Variants in CHCHD3 observed in about 807,000 individuals in gnomAD.
CHCHD3 encodes the protein coiled-coil-helix-coiled-coil-helix domain containing 3, also known as MICOS complex subunit MIC19.
In CHCHD3, 20 loss-of-function variants were observed where a neutral mutation model predicts 38.2. The observed-to-expected ratio is 0.52, with a 90% CI of 0.37 to 0.76. CHCHD3 has a LOEUF of 0.76. Among genes scored for constraint, CHCHD3 ranks in the 30% least tolerant of loss-of-function variants. The pLI is 0.00. For missense variants in CHCHD3, 245 were observed against 279.2 expected (o/e 0.88, Z 0.87); for synonymous variants, 82 against 100.0 (o/e 0.82, Z 1.07).
At chr7:132,845,885 T>C (rs1343882658) in intron 5 of CHCHD3, among the ~76,000 whole-genome samples, 3 of 152,184 alleles carry the variant, frequency 2.0e-5, no homozygotes, top group Non-Finnish European at 2.9e-5. Flanking sequence ...CAAAAGGTAA[T>C]TGGCAATATT....
chr7:132,947,894 A>G (rs1178840588), intron 4 of CHCHD3, among the ~76,000 whole-genome samples: 1 of 152,084 alleles, frequency 6.6e-6, no homozygotes, highest in East Asian at 1.9e-4. Context: ...CTGTATTTCA[A>G]TATGACATAC....
At chr7:132,845,886 TG>T (rs1433522758) in intron 5 of CHCHD3, among the ~76,000 whole-genome samples, 32 of 152,196 alleles carry the variant, frequency 2.1e-4, no homozygotes, top group African/African-American at 7.7e-4. Context: ...AAAAGGTAAT[TG>T]GCAATATTGA....
chr7:132,843,999 TA>T (rs1230914066), intron 5 of CHCHD3, among the ~76,000 whole-genome samples: 2 of 152,112 alleles, frequency 1.3e-5, no homozygotes, highest in Non-Finnish European at 2.9e-5. Context: ...CTTAAAAAGA[TA>T]AATAAAGAGA....
At chr7:132,868,088 TG>T (rs1808676610) in intron 5 of CHCHD3, among the ~76,000 whole-genome samples, 1 of 152,228 alleles carries the variant, frequency 6.6e-6, no homozygotes, top group Non-Finnish European at 1.5e-5. Flanking sequence ...CTGTAACAAC[TG>T]CATACTTCAG....
intron 5 of CHCHD3, among the ~76,000 whole-genome samples, chr7:132,868,873 C>T (rs1026057834): frequency 1.3e-5 from 2 of 152,104 alleles, no homozygotes; most frequent in African/African-American, 4.8e-5. Flanking sequence ...GGGCTCCTTG[C>T]TCTTGCCCAC....
At chr7:132,832,025 G>T (rs1807662998) in intron 6 of CHCHD3, among the ~76,000 whole-genome samples, 1 of 151,296 alleles carries the variant, frequency 6.6e-6, no homozygotes, top group South Asian at 2.1e-4. Context: ...ATCCAAAAAA[G>T]AAACTAAACA....
intron 4 of CHCHD3, among the ~76,000 whole-genome samples, chr7:132,904,586 A>G (rs1393647505): frequency 6.6e-6 from 1 of 152,186 alleles, no homozygotes; most frequent in Non-Finnish European, 1.5e-5. Context: ...AAAAGTCAGG[A>G]AACAACAGGT....
rs756367508 is a variant in CHCHD3, at chr7:132,861,443, G to A, written c.454-22974C>T. Among the ~76,000 whole-genome samples the A allele has an allele frequency of 6.6e-5, 10 of 152,056 alleles. 1 individual carries two copies. Among genetic ancestry groups the A allele is most frequent in the South Asian group, 4.2e-4 (2 of 4,810 alleles). ...TTGTTCTCTGTATTGTATTCCACTC[G>A]CTAGACTCTGAGCTCTGTGATGGTG... On this transcript the variant is annotated intron_variant, in intron 5 of 7. Coordinates refer to ENST00000262570, the MANE Select transcript of CHCHD3 (RefSeq NM_017812.4).
In CHCHD3 at chr7:132,881,130, C is replaced by T. The variant is rs574787044; in HGVS notation, c.453+4532G>A. Among the ~76,000 whole-genome samples, 6 of 152,220 alleles carry T rather than the reference C, an allele frequency of 3.9e-5. No individual in the cohort carries two copies. In the South Asian group the frequency reaches 1.0e-3, roughly 26 times the overall value. The stretch of plus-strand genomic sequence containing the variant: ...TTGACCTTCTCTCTCAGTAAAGTGT[C>T]GCTGCTTTTGAAAACTCATTCTAAA... On this transcript the variant is annotated intron_variant, in intron 5 of 7. Coordinates refer to ENST00000262570, the MANE Select transcript of CHCHD3 (RefSeq NM_017812.4).
chr7:132,862,504 C>T (rs1808521530), intron 5 of CHCHD3, among the ~76,000 whole-genome samples: 1 of 152,168 alleles, frequency 6.6e-6, no homozygotes, highest in African/African-American at 2.4e-5. Flanking sequence ...ATCATCTGAG[C>T]CTTCAGCAAG....
At chr7:132,961,098 G>A (rs1447237656) in intron 4 of CHCHD3, among the ~76,000 whole-genome samples, 1 of 152,096 alleles carries the variant, frequency 6.6e-6, no homozygotes, top group Non-Finnish European at 1.5e-5. Flanking sequence ...AGACATCATA[G>A]TGAGACCTCA....
intron 4 of CHCHD3, among the ~76,000 whole-genome samples, chr7:132,929,993 C>T (rs754119171): frequency 6.6e-6 from 1 of 152,118 alleles, no homozygotes; most frequent in Non-Finnish European, 1.5e-5. Context: ...TATCCAGTCA[C>T]TTGGGTCCTT....
In CHCHD3 at chr7:133,026,641, T is replaced by C. The variant is rs142145797; in HGVS notation, c.170-2014A>G. Among the ~76,000 whole-genome samples, 866 of 152,346 alleles carry C rather than the reference T, an allele frequency of 5.7e-3. 7 individuals are homozygous for C. The highest frequency in any genetic ancestry group is 0.02 in the African/African-American group (827 of 41,578). ...CACAACCTAAGTGCCTAGCAACTGA[T>C]GAATGGACAAACAAAATGTGGTATA... On this transcript the variant is annotated intron_variant, in intron 2 of 7. Transcript: ENST00000262570.
At chr7:132,951,912 T>C (rs1347482191) in intron 4 of CHCHD3, among the ~76,000 whole-genome samples, 1 of 152,194 alleles carries the variant, frequency 6.6e-6, no homozygotes, top group African/African-American at 2.4e-5. Context: ...CTTTTGTCTC[T>C]AAAGCCAGTG....
At chr7:133,008,970 CA>C (rs34312085) in intron 3 of CHCHD3, among the ~76,000 whole-genome samples, 55,141 of 127,854 alleles carry the variant, frequency 0.43, 10,567 homozygotes, top group African/African-American at 0.48. Flanking sequence ...CAAAAAAGAC[CA>C]AAAAAAAAAA....
chr7:133,020,442 T>A (rs1813147889), intron 3 of CHCHD3, among the ~76,000 whole-genome samples: 1 of 152,184 alleles, frequency 6.6e-6, no homozygotes, highest in South Asian at 2.1e-4. Context: ...TCTAAAAGCA[T>A]GTGGCCCTAC....
At chr7:133,002,264 AT>A (rs1271553967) in intron 3 of CHCHD3, among the ~76,000 whole-genome samples, 1 of 152,204 alleles carries the variant, frequency 6.6e-6, no homozygotes, top group East Asian at 1.9e-4. Flanking sequence ...TTTAATCTTC[AT>A]TTGAAAAACA....
At chr7:132,810,553 A>G (rs1807041086) in intron 6 of CHCHD3, among the ~76,000 whole-genome samples, 1 of 152,234 alleles carries the variant, frequency 6.6e-6, no homozygotes, top group Admixed American at 6.5e-5. Flanking sequence ...AAGACCAACT[A>G]CGAAGTATAG....
At chr7:132,885,877 A>G in intron 4 of CHCHD3, 132 bp from the exon 5 acceptor site, 1 of 535,406 alleles carries the variant, frequency 1.9e-6, no homozygotes, top group Non-Finnish European at 3.2e-6. Flanking sequence ...TCTCTGCCAT[A>G]GAAAAACATT....
Sources: gnomAD v4.1 joint callset for allele counts (sites outside exome capture counted in the v4.1 genomes callset) on GRCh38, gnomAD v4.1.1 for gene constraint, MANE v1.5 for transcripts, NCBI Gene and HGNC (gene_info 2026-07-23, HGNC 2026-07-21) for gene names.